Variants in SALL1 observed in about 807,000 individuals in gnomAD.
SALL1 encodes the protein spalt like transcription factor 1.
Under a neutral mutation model 73.1 loss-of-function variants are expected in SALL1, and 10 were observed. The observed-to-expected ratio is 0.14, with a 90% CI of 0.08 to 0.23. The LOEUF (loss-of-function observed/expected upper bound fraction) is 0.23, where lower values mean the gene tolerates loss of function less well. Among genes scored for constraint, SALL1 ranks in the 10% least tolerant of loss-of-function variants. SALL1 has a pLI of 1.00. For synonymous variants in SALL1, 688 were observed against 689.8 expected (o/e 1.00, Z 0.04); for missense variants, 1,520 against 1,697.3 (o/e 0.90, Z 1.84).
chr16:51,149,144 T>C (rs1031111259), intron 1 of SALL1: 8 of 152,502 alleles, frequency 5.2e-5, no homozygotes, highest in Non-Finnish European at 1.0e-4. Flanking sequence ...TGGTAAGAGG[T>C]AGTGAACTCC....
rs186467699 is a variant in SALL1 at position 51,138,208 on chromosome 16, G to A, written c.3534+480C>T. On this transcript the variant is annotated intron_variant, in intron 2 of 2. Transcript: ENST00000251020. ...TAATCAATTATCATAATACCCATTA[G>A]CAGAGCAGTGACGTTATTGTTTTTA... 2.6e-5 allele frequency among the ~76,000 whole-genome samples: 4 copies of A among 152,276 alleles called. No individual in the cohort carries two copies. In the East Asian group the frequency reaches 7.7e-4, roughly 29 times the overall value.
Position 51,137,317 on chromosome 16 carries a change from T to C in SALL1, c.3770A>G (p.Asn1257Ser). Residue 1257 changes from asparagine to serine, a missense_variant, in exon 3 of 3, where the codon AAC becomes AGC. Coordinates refer to ENST00000251020, the MANE Select transcript of SALL1 (RefSeq NM_002968.3). ...MKANEISVIQ[N>S]GGIPPIPGSL... Reference sequence around the variant, plus strand: ...TCCAGGAATTGGAGGGATGCCACCGTTCTGAATGACGGAGATCTCGTTGGC... The same window carrying C: ...TCCAGGAATTGGAGGGATGCCACCGCTCTGAATGACGGAGATCTCGTTGGC... The C allele has an allele frequency of 1.2e-6, 2 of 1,614,112 alleles. No individual in the cohort carries two copies. Among genetic ancestry groups the C allele is most frequent in the Non-Finnish European group, 1.7e-6 (2 of 1,180,028 alleles).
rs777335761 is a variant in SALL1, at chr16:51,137,232, G to A, written c.3855C>T (p.Leu1285=). 2.5e-6 allele frequency: 4 copies of A among 1,613,992 alleles called. No individual in the cohort carries two copies. Among genetic ancestry groups the A allele is most frequent in the Middle Eastern group, 1.6e-4 (1 of 6,084 alleles). Residue 1285 remains leucine (L), a synonymous_variant, in exon 3 of 3, where the codon CTC becomes CTT. Coordinates refer to ENST00000251020, the MANE Select transcript of SALL1 (RefSeq NM_002968.3). ...GGGGAGCATTGGGCTCTGAGTTCTG[G>A]AGCCTCTCCAGGTTTCCCGTCAGCC... The part of the protein sequence containing the change: ...VSGLTGNLER[L]QNSEPNAPLA...
Position 51,136,169 on chromosome 16 carries a change from C to T in SALL1, c.*943G>A, listed in dbSNP as rs1224086727. The T allele has an allele frequency of 6.6e-6, 1 of 152,582 alleles. No individual in the cohort carries two copies. The highest frequency in any genetic ancestry group is 6.5e-5 in the Admixed American group (1 of 15,270). The allele number at this position is 152,582 out of a possible 1,614,324, so 9.5% of individuals were successfully genotyped here. ...TAAGACAAAATAAACAAACACTATACCTGCTCTCTTGATCAAGAAGAAGCA... is the reference window on the plus strand; with the variant it reads ...TAAGACAAAATAAACAAACACTATATCTGCTCTCTTGATCAAGAAGAAGCA... On this transcript the variant is annotated 3_prime_UTR_variant, in exon 3 of 3. Coordinates refer to ENST00000251020, the MANE Select transcript of SALL1 (RefSeq NM_002968.3).
At chr16:51,144,830 C>G (rs902942696) in intron 1 of SALL1, among the ~76,000 whole-genome samples, 1 of 152,024 alleles carries the variant, frequency 6.6e-6, no homozygotes, top group Non-Finnish European at 1.5e-5. Flanking sequence ...AAAATAAATG[C>G]AAATGCCTGC....
Position 51,141,604 on chromosome 16 carries a change from C to T in SALL1, c.618G>A (p.Ala206=), listed in dbSNP as rs773443491. ...TCGCTTCCTGGGAGAACTGGGCCAC[C>T]GCCACCTTGGTGCTCTGGAGGTTCT... ...IIENLQSTKV[A]VAQFSQEARC... Residue 206 remains alanine (A), a synonymous_variant, in exon 2 of 3, where the codon GCG becomes GCA. Coordinates refer to ENST00000251020, the MANE Select transcript of SALL1 (RefSeq NM_002968.3). This position sits in a 1 kb window ranked among gnomAD's most constrained non-coding sequence, Gnocchi z 5.4. 4.9e-5 allele frequency: 79 copies of T among 1,613,982 alleles called. No individual in the cohort carries two copies. Among genetic ancestry groups the T allele is most frequent in the Admixed American group, 2.7e-4 (16 of 60,004 alleles).
At position 51,138,958 on chromosome 16, in the gene SALL1, C is replaced by A; in HGVS notation, c.3264G>T (p.Glu1088Asp). 1 of 1,614,136 alleles carries A rather than the reference C, an allele frequency of 6.2e-7. No homozygotes were observed. Residue 1088 changes from glutamate to aspartate, a missense_variant, in exon 2 of 3, where the codon GAG (glutamate) becomes GAT (aspartate). By Grantham distance (45) the Glu-to-Asp change is conservative. This residue lies in a region of SALL1 where 318 missense variants were observed against 357.1 expected (regional missense o/e 0.89). Transcript: ENST00000251020. Reference sequence around the variant, plus strand: ...GAGAAACATGCACGAAGCCGTTGACCTCTGTCTTGATGAGAGATGACAACG... The same window carrying A: ...GAGAAACATGCACGAAGCCGTTGACATCTGTCTTGATGAGAGATGACAACG... ...ANSLSSLIKT[E>D]VNGFVHVSPQ... is the part of the protein sequence containing the mutation.
At chr16:51,142,931 G>T (rs1962466566) in intron 1 of SALL1, among the ~76,000 whole-genome samples, 1 of 152,138 alleles carries the variant, frequency 6.6e-6, no homozygotes, top group Non-Finnish European at 1.5e-5. Flanking sequence ...ACTAATCAAA[G>T]AATATATGCC....
Position 51,140,104 on chromosome 16 carries a change from A to T in SALL1, c.2118T>A (p.Asn706Lys). Residue 706 changes from asparagine (N) to lysine (K), a missense_variant, in exon 2 of 3, where the codon AAT becomes AAA. Physicochemically the swap from Asn to Lys is moderately conservative, Grantham distance 94 (BLOSUM62 0). Around this residue, in one of 7 missense-constraint regions of SALL1, gnomAD observed 77 missense variants for 117.2 expected, o/e 0.66. Transcript: ENST00000251020. This position sits in a 1 kb window ranked among gnomAD's most constrained non-coding sequence, Gnocchi z 5.7. Reference sequence around the variant, plus strand: ...GAACCCGGTGGCAGATGATGCACTCATTGGGGTCAGTGGCCTTCTTGTCAA... The same window carrying T: ...GAACCCGGTGGCAGATGATGCACTCTTTGGGGTCAGTGGCCTTCTTGTCAA... ...ENIDKKATDP[N>K]ECIICHRVLS... 6.2e-7 allele frequency: 1 copy of T among 1,614,168 alleles called. No homozygotes were observed. The highest frequency in any genetic ancestry group is 8.5e-7 in the Non-Finnish European group (1 of 1,180,016).
chr16:51,147,236 A>G (rs747838032), intron 1 of SALL1, among the ~76,000 whole-genome samples: 37 of 152,376 alleles, frequency 2.4e-4, no homozygotes, highest in Middle Eastern at 3.4e-3. Flanking sequence ...TCAGTATCAC[A>G]TATTCACTTT....
intron 1 of SALL1, among the ~76,000 whole-genome samples, chr16:51,147,442 G>A (rs1192540267): frequency 6.6e-6 from 1 of 152,074 alleles, no homozygotes; most frequent in African/African-American, 2.4e-5. Context: ...TTATCTTGCA[G>A]GTGTTGGTTT....
chr16:51,149,114 AT>A (rs760373465), intron 1 of SALL1: 2 of 152,792 alleles, frequency 1.3e-5, no homozygotes, highest in Non-Finnish European at 1.5e-5. Flanking sequence ...ATTGAAAAAA[AT>A]AGTACTAATA....
At chr16:51,142,680 C>T (rs1357531314) in intron 1 of SALL1, among the ~76,000 whole-genome samples, 1 of 152,158 alleles carries the variant, frequency 6.6e-6, no homozygotes, top group Non-Finnish European at 1.5e-5. Context: ...TTGAAAATCA[C>T]CTCAAGCCCC....
Position 51,141,110 on chromosome 16 carries a change from G to A in SALL1, c.1112C>T (p.Ser371Leu), listed in dbSNP as rs774195162. ...TGCAAAAGCTGGTGAGGACGATGAT[G>A]AGACCGCTGGGTTGCTGACATGGGA... ...GASHVSNPAVSSSSSPAFAIS... is the reference protein window; with the variant it reads ...GASHVSNPAVLSSSSPAFAIS... The change falls in exon 2 of 3, where the codon TCA (serine) becomes TTA (leucine). Residue 371 changes from serine (S) to leucine (L), a missense_variant. Ser to Leu is a moderately radical substitution (Grantham distance 145, BLOSUM62 -2). Transcript: ENST00000251020. This position sits in a 1 kb window ranked among gnomAD's most constrained non-coding sequence, Gnocchi z 5.4. 6.2e-7 allele frequency: 1 copy of A among 1,614,236 alleles called. No homozygotes were observed. Among genetic ancestry groups the A allele is most frequent in the South Asian group, 1.1e-5 (1 of 91,086 alleles).
chr16:51,151,538 T>C (rs939936782), upstream of SALL1, among the ~76,000 whole-genome samples: 1 of 151,796 alleles, frequency 6.6e-6, no homozygotes, highest in Non-Finnish European at 1.5e-5. Flanking sequence ...TGCAGACCCC[T>C]GTCTCTCCGC....
In SALL1 at chr16:51,142,053, C is replaced by G; in HGVS notation, c.169G>C (p.Asp57His). The G allele has an allele frequency of 6.2e-7, 1 of 1,614,046 alleles. No homozygotes were observed. Among genetic ancestry groups the G allele is most frequent in the Non-Finnish European group, 8.5e-7 (1 of 1,180,012 alleles). Residue 57 changes from aspartate (D) to histidine (H), a missense_variant, in exon 2 of 3, where the codon GAT (aspartate) becomes CAT (histidine). By Grantham distance (81) the Asp-to-His change is moderately conservative. Transcript: ENST00000251020. ...CAGTTCTTCTTGTGGAGCAGAAGATCTGATAATTCAAAGAACTCGGCACAG... is the reference window on the plus strand; with the variant it reads ...CAGTTCTTCTTGTGGAGCAGAAGATGTGATAATTCAAAGAACTCGGCACAG... ...RCCAEFFELSDLLLHKKNCTK... is the reference protein window; with the variant it reads ...RCCAEFFELSHLLLHKKNCTK...
At chr16:51,145,240 ACACG>A (rs1419110165) in intron 1 of SALL1, among the ~76,000 whole-genome samples, 6 of 146,776 alleles carry the variant, frequency 4.1e-5, no homozygotes, top group Non-Finnish European at 1.5e-5. Context: ...ACACACACAC[ACACG>A]TACACACGAA....
At chr16:51,147,780 A>AACACACATACACACACAC (rs1962539758) in intron 1 of SALL1, among the ~76,000 whole-genome samples, 1 of 146,204 alleles carries the variant, frequency 6.8e-6, no homozygotes, top group Non-Finnish European at 1.5e-5. Flanking sequence ...GAAGAACTCC[A>AACACACATACACACACAC]ACACACACAC....
Position 51,136,563 on chromosome 16 carries a change from CA to C in SALL1, c.*548del, listed in dbSNP as rs1962304046. 1.3e-5 allele frequency: 2 copies of C among 152,652 alleles called. No homozygotes were observed. Among genetic ancestry groups the C allele is most frequent in the Admixed American group, 1.3e-4 (2 of 15,304 alleles). 9.5% of individuals were successfully genotyped at this position (152,652 alleles called of 1,614,324 possible). A position where few individuals can be genotyped will look rare whatever the true frequency, so the allele number is the denominator to read the frequency against. On this transcript the variant is annotated 3_prime_UTR_variant, in exon 3 of 3. Coordinates refer to ENST00000251020, the MANE Select transcript of SALL1 (RefSeq NM_002968.3). The stretch of plus-strand genomic sequence containing the variant: ...AATTTTAGAATAAAAATTAAAAAAC[CA>C]AACCTTTCAAAGAACCACACTGTTC...
Sources: gnomAD v4.1 joint callset for allele counts (sites outside exome capture counted in the v4.1 genomes callset) on GRCh38, gnomAD v4.1.1 for gene constraint, gnomAD v4.1.1 regional missense constraint, Gnocchi (gnomAD v3.1) non-coding constraint, MANE v1.5 for transcripts, NCBI Gene and HGNC (gene_info 2026-07-23, HGNC 2026-07-21) for gene names.